Variants in HNRNPA1L2 observed in about 807,000 individuals in gnomAD.
HNRNPA1L2 encodes heterogeneous nuclear ribonucleoprotein A1-like 2.
In HNRNPA1L2, 10 loss-of-function variants were observed where a neutral mutation model predicts 18.2. The ratio of observed to expected loss-of-function variants is 0.55; its 90% CI spans 0.34 to 0.93. HNRNPA1L2 has a LOEUF of 0.93. Ranked by LOEUF, HNRNPA1L2 falls within the 40% of genes least tolerant of loss-of-function variation. The pLI is 0.02. For synonymous variants in HNRNPA1L2, 124 were observed against 138.6 expected (o/e 0.89, Z 0.74); for missense variants, 308 against 394.4 (o/e 0.78, Z 1.85).
At chr13:52,625,587 T>C in the HNRNPA1L2 span, among the ~76,000 whole-genome samples, 5 of 152,188 alleles carry the variant, frequency 3.3e-5, no homozygotes, top group Admixed American at 3.3e-4. Flanking sequence ...TGTTATGAAA[T>C]GCATGATTCT....
At chr13:52,631,329 G>T in the HNRNPA1L2 span, among the ~76,000 whole-genome samples, 17 of 152,220 alleles carry the variant, frequency 1.1e-4, no homozygotes, top group Non-Finnish European at 2.4e-4. Flanking sequence ...CTTTCTTGAG[G>T]AATAGAAAAG....
chr13:52,637,948 G>A (rs1369886777), upstream of HNRNPA1L2, among the ~76,000 whole-genome samples: 1 of 152,162 alleles, frequency 6.6e-6, no homozygotes, highest in Non-Finnish European at 1.5e-5. Flanking sequence ...AAGATATGCA[G>A]TGCCTAGCCA....
At chr13:52,632,393 T>A in the HNRNPA1L2 span, 1 of 152,456 alleles carries the variant, frequency 6.6e-6, no homozygotes. Context: ...GTTGACAGTT[T>A]ATATTCATTA....
the HNRNPA1L2 span, among the ~76,000 whole-genome samples, chr13:52,636,246 C>T: frequency 1.3e-5 from 2 of 152,140 alleles, no homozygotes; most frequent in African/African-American, 4.8e-5. Context: ...CTTTCGTGTA[C>T]AAGTCTTTGT....
At chr13:52,624,260 C>T in the HNRNPA1L2 span, among the ~76,000 whole-genome samples, 5 of 152,186 alleles carry the variant, frequency 3.3e-5, no homozygotes, top group South Asian at 8.3e-4. Context: ...ATTACAGGTG[C>T]CTGCCACCAT....
At chr13:52,636,241 G>A in the HNRNPA1L2 span, among the ~76,000 whole-genome samples, 17 of 152,258 alleles carry the variant, frequency 1.1e-4, no homozygotes, top group African/African-American at 3.4e-4. Context: ...ATGAACTTTC[G>A]TGTACAAGTC....
the HNRNPA1L2 span, among the ~76,000 whole-genome samples, chr13:52,628,148 A>G: frequency 6.6e-6 from 1 of 152,214 alleles, no homozygotes; most frequent in Non-Finnish European, 1.5e-5. Context: ...TATTTCGGGA[A>G]GTTAAAAGAA....
At chr13:52,636,034 A>T in the HNRNPA1L2 span, among the ~76,000 whole-genome samples, 1 of 152,154 alleles carries the variant, frequency 6.6e-6, no homozygotes, top group South Asian at 2.1e-4. Context: ...ATGGGGTTTC[A>T]TCATGTTGGC....
chr13:52,622,881 A>G, the HNRNPA1L2 span, among the ~76,000 whole-genome samples: 503 of 152,148 alleles, frequency 3.3e-3, 3 homozygotes, highest in African/African-American at 0.011. Context: ...ATGATACATA[A>G]TGATGTATTT....
chr13:52,630,070 G>A, the HNRNPA1L2 span, among the ~76,000 whole-genome samples: 3 of 152,004 alleles, frequency 2.0e-5, no homozygotes, highest in Non-Finnish European at 4.4e-5. Context: ...AGCTTAAAAT[G>A]GTAGATTATT....
At chr13:52,618,314 A>T in the HNRNPA1L2 span, among the ~76,000 whole-genome samples, 1 of 152,244 alleles carries the variant, frequency 6.6e-6, no homozygotes, top group African/African-American at 2.4e-5. Context: ...CACTGGTTGA[A>T]GTTAGCCAGG....
At chr13:52,636,457 T>G in the HNRNPA1L2 span, among the ~76,000 whole-genome samples, 1 of 152,224 alleles carries the variant, frequency 6.6e-6, no homozygotes, top group Non-Finnish European at 1.5e-5. Flanking sequence ...AAAAAAGTTA[T>G]TGAAACATGT....
the HNRNPA1L2 span, chr13:52,627,350 C>G: frequency 6.5e-6 from 1 of 154,090 alleles, no homozygotes; most frequent in Non-Finnish European, 1.4e-5. Context: ...ATTTTCCCCC[C>G]AAAATCATTT....
chr13:52,624,795 C>CA, the HNRNPA1L2 span, among the ~76,000 whole-genome samples: 2 of 152,222 alleles, frequency 1.3e-5, no homozygotes, highest in East Asian at 3.9e-4. Flanking sequence ...TTTGGGAGGC[C>CA]AAGGTGGGCA....
chr13:52,624,239 G>A, the HNRNPA1L2 span, among the ~76,000 whole-genome samples: 2 of 152,038 alleles, frequency 1.3e-5, no homozygotes, highest in Non-Finnish European at 2.9e-5. Context: ...TCAGCCTCCC[G>A]AGTAGCTGGG....
At chr13:52,639,489 A>C (rs1229505113), upstream of HNRNPA1L2, among the ~76,000 whole-genome samples, 2 of 152,112 alleles carry the variant, frequency 1.3e-5, no homozygotes, top group African/African-American at 4.8e-5. Flanking sequence ...TAAATTGGAG[A>C]GCAGAAGCAG....
rs756282272 is a variant in HNRNPA1L2 at position 52,642,802 on chromosome 13, G to A, written c.310G>A (p.Val104Met). Residue 104 changes from valine (V) to methionine (M), a missense_variant, in exon 1 of 1, where the codon GTG becomes ATG. Val to Met is a conservative substitution (Grantham distance 21). Transcript: ENST00000357495. ...DSQRPGAHLT[V>M]KKIFVGGIKE... is the part of the protein sequence containing the mutation. ...TCAAAGACCAGGTGCCCACTTAACTGTGAAAAAGATATTTGTTGGTGGCAT... is the reference window on the plus strand; with the variant it reads ...TCAAAGACCAGGTGCCCACTTAACTATGAAAAAGATATTTGTTGGTGGCAT... 1 of 1,596,496 alleles carries A rather than the reference G, an allele frequency of 6.3e-7. No homozygotes were observed. Among genetic ancestry groups the A allele is most frequent in the African/African-American group, 1.3e-5 (1 of 74,946 alleles).
At chr13:52,640,156 G>C (rs187151643), upstream of HNRNPA1L2, among the ~76,000 whole-genome samples, 3 of 152,080 alleles carry the variant, frequency 2.0e-5, no homozygotes, top group African/African-American at 7.2e-5. Flanking sequence ...TTCCTGTCTG[G>C]TCTCCAACTC....
chr13:52,637,001 T>C, the HNRNPA1L2 span, among the ~76,000 whole-genome samples: 1 of 152,108 alleles, frequency 6.6e-6, no homozygotes, highest in Non-Finnish European at 1.5e-5. Flanking sequence ...CCAGCTAATT[T>C]TTTGTATTTT....
Sources: allele counts gnomAD v4.1 joint callset (sites outside exome capture counted in the v4.1 genomes callset), GRCh38; gene constraint gnomAD v4.1.1; transcripts MANE v1.5; gene names NCBI Gene and HGNC (gene_info 2026-07-23, HGNC 2026-07-21).